HS3ST6: variants seen among roughly 807,000 people sequenced by gnomAD.
HS3ST6 encodes the protein heparan sulfate glucosamine 3-O-sulfotransferase 6.
In HS3ST6, 13 loss-of-function variants were observed where a neutral mutation model predicts 11.0. The observed-to-expected ratio is 1.18, with a 90% CI of 0.77 to 1.88. The LOEUF is 1.88. Ranked by LOEUF, HS3ST6 falls within the 40% of genes most tolerant of loss-of-function variation. HS3ST6 has a pLI of 0.00. For missense variants in HS3ST6, 541 were observed against 494.4 expected, an observed-to-expected ratio of 1.09 and a Z score of -0.89; for synonymous variants, 232 against 230.6, an observed-to-expected ratio of 1.01 and a Z score of -0.06.
chr16:1,913,693 T>G (rs1313797007), intron 1 of HS3ST6, among the ~76,000 whole-genome samples: 1 of 152,128 alleles, frequency 6.6e-6, no homozygotes, highest in Non-Finnish European at 1.5e-5. Flanking sequence ...GACCGGCCCC[T>G]GCCAGGAGGC....
upstream of HS3ST6, among the ~76,000 whole-genome samples, chr16:1,920,269 C>T (rs1220971898): frequency 2.9e-5 from 4 of 138,600 alleles, no homozygotes; most frequent in Admixed American, 7.4e-5. Context: ...CTCAGCAGTC[C>T]CCACGGTCTC....
chr16:1,920,908 G>A (rs1359202411), upstream of HS3ST6, among the ~76,000 whole-genome samples: 6 of 152,224 alleles, frequency 3.9e-5, no homozygotes, highest in African/African-American at 1.4e-4. Context: ...AAGGGTATAC[G>A]TGGGAGGAGA....
upstream of HS3ST6, among the ~76,000 whole-genome samples, chr16:1,918,864 C>T (rs2082945927): frequency 6.6e-6 from 1 of 152,166 alleles, no homozygotes; most frequent in South Asian, 2.1e-4. This position sits in a 1 kb window ranked among gnomAD's most constrained non-coding sequence, Gnocchi z 6.0. Context: ...AGCGTCGATC[C>T]GGGCACTCGG....
Position 1,911,715 on chromosome 16 carries a change from C to T in HS3ST6, c.904G>A (p.Gly302Ser), listed in dbSNP as rs780765135. Residue 302 changes from glycine to serine, a missense_variant, in exon 2 of 2, where the codon GGC becomes AGC. Gly to Ser is a moderately conservative substitution (Grantham distance 56). Coordinates refer to ENST00000454677, the MANE Select transcript of HS3ST6 (RefSeq NM_001009606.4). ...AQGGSRPRCL[G>S]KSKGRPHPRV... is the part of the protein sequence containing the mutation. ...GGGTGTGGCCGGCCCTTGGACTTGC[C>T]CAGGCAGCGGGGACGGCTGCCGCCC... The T allele has an allele frequency of 1.9e-6, 3 of 1,612,496 alleles. No individual in the cohort carries two copies. The highest frequency in any genetic ancestry group is 1.6e-4 in the Middle Eastern group (1 of 6,076).
intron 1 of HS3ST6, among the ~76,000 whole-genome samples, chr16:1,915,662 G>A (rs528804174): frequency 7.9e-4 from 120 of 152,330 alleles, no homozygotes; most frequent in Non-Finnish European, 1.3e-3. Context: ...CGAGACCTTG[G>A]GGAGTCTGCG....
intron 1 of HS3ST6, among the ~76,000 whole-genome samples, chr16:1,916,734 C>T (rs1447591626): frequency 6.6e-6 from 1 of 150,646 alleles, no homozygotes. Flanking sequence ...TTCTCCCCTT[C>T]CCCCTCCCGC....
chr16:1,912,218 T>A lies in HS3ST6; in HGVS notation c.414-13A>T. Reference sequence around the variant, plus strand: ...GGGCATCAGACTCCTGCGGGACGGGTGCAAGGAGAGGGGGCCTGAGCCTCC... The same window carrying A: ...GGGCATCAGACTCCTGCGGGACGGGAGCAAGGAGAGGGGGCCTGAGCCTCC... On this transcript the variant is annotated splice_polypyrimidine_tract_variant and intron_variant, in intron 1 of 1. Transcript: ENST00000454677. The surrounding 1 kb of genome is among the most constrained non-coding windows in gnomAD (Gnocchi z 5.6). 1 of 1,390,458 alleles carries A rather than the reference T, an allele frequency of 7.2e-7. No individual in the cohort carries two copies. The highest frequency in any genetic ancestry group is 9.3e-7 in the Non-Finnish European group (1 of 1,070,942). The allele number at this position is 1,390,458 out of a possible 1,614,324, so 86.1% of individuals were successfully genotyped here. A position where few individuals can be genotyped will look rare whatever the true frequency, so the allele number is the denominator to read the frequency against.
Position 1,918,286 on chromosome 16 carries a change from C to T in HS3ST6, c.38G>A (p.Gly13Asp). Residue 13 changes from glycine (G) to aspartate (D), a missense_variant, in exon 1 of 2, where the codon GGC becomes GAC. Coordinates refer to ENST00000454677, the MANE Select transcript of HS3ST6 (RefSeq NM_001009606.4). This position sits in a 1 kb window ranked among gnomAD's most constrained non-coding sequence, Gnocchi z 6.0. The part of the protein sequence containing the change: ...GSGGLGGGAG[G>D]GQGAGAGQGA... The stretch of plus-strand genomic sequence containing the variant: ...TTGCCCGGCCCCTGCGCCCTGGCCG[C>T]CCCCGGCCCCGCCGCCCAGGCCGCC... 1 of 847,544 alleles carries T rather than the reference C, an allele frequency of 1.2e-6. No individual in the cohort carries two copies. The highest frequency in any genetic ancestry group is 1.4e-6 in the Non-Finnish European group (1 of 702,056). 52.5% of individuals were successfully genotyped at this position (847,544 alleles called of 1,614,324 possible). A position where few individuals can be genotyped will look rare whatever the true frequency, so the allele number is the denominator to read the frequency against.
Position 1,918,194 on chromosome 16 carries a change from G to A in HS3ST6, c.130C>T (p.Leu44Phe). 9.3e-7 allele frequency: 1 copy of A among 1,074,208 alleles called. No individual in the cohort carries two copies. The highest frequency in any genetic ancestry group is 1.1e-6 in the Non-Finnish European group (1 of 890,266). 66.5% of individuals were successfully genotyped at this position (1,074,208 alleles called of 1,614,324 possible). A position where few individuals can be genotyped will look rare whatever the true frequency, so the allele number is the denominator to read the frequency against. The change falls in exon 1 of 2, where the codon CTC (leucine) becomes TTC (phenylalanine). Residue 44 changes from leucine to phenylalanine, a missense_variant. By Grantham distance (22) the Leu-to-Phe change is conservative. Transcript: ENST00000454677. This position sits in a 1 kb window ranked among gnomAD's most constrained non-coding sequence, Gnocchi z 6.0. The stretch of plus-strand genomic sequence containing the variant: ...GGGCAGCGGCCGGGGAGGGCGCAGA[G>A]GCAGTAGGCGCCGAGCACCAGGGCC... ...LVALVLGAYC[L>F]CALPGRCPPA...
upstream of HS3ST6, among the ~76,000 whole-genome samples, chr16:1,920,351 G>GA (rs1567300970): frequency 2.5e-4 from 11 of 44,372 alleles, no homozygotes; most frequent in South Asian, 1.4e-3. Flanking sequence ...CCCACGGTCT[G>GA]AGTCCCCACG....
chr16:1,916,743 G>A (rs879591228), intron 1 of HS3ST6, among the ~76,000 whole-genome samples: 2 of 75,826 alleles, frequency 2.6e-5, no homozygotes, highest in African/African-American at 5.2e-5. Context: ...TCCCCCTCCC[G>A]CCTCTCCCCT....
chr16:1,917,853 G>C (rs963704260), intron 1 of HS3ST6, 58 bp downstream of exon 1: 2 of 1,239,904 alleles, frequency 1.6e-6, no homozygotes, highest in Non-Finnish European at 2.1e-6. Flanking sequence ...GCTCCCTGGG[G>C]CGCACGATAC....
At chr16:1,914,799 CGGAGATCTTTG>C (rs1200301906) in intron 1 of HS3ST6, among the ~76,000 whole-genome samples, 1 of 152,178 alleles carries the variant, frequency 6.6e-6, no homozygotes, top group African/African-American at 2.4e-5. Flanking sequence ...GCTCAGAGAT[CGGAGATCTTTG>C]GGATCAATTA....
At chr16:1,915,426 T>C (rs972258606) in intron 1 of HS3ST6, among the ~76,000 whole-genome samples, 2 of 152,074 alleles carry the variant, frequency 1.3e-5, no homozygotes, top group African/African-American at 4.8e-5. Context: ...CAGGCACCCA[T>C]CACCACGCCT....
At position 1,911,952 on chromosome 16, in the gene HS3ST6, C is replaced by T. The variant is rs373858942; in HGVS notation, c.667G>A (p.Val223Ile). Residue 223 changes from valine (V) to isoleucine (I), a missense_variant, in exon 2 of 2, where the codon GTC (valine) becomes ATC (isoleucine). By Grantham distance (29) the Val-to-Ile change is conservative (BLOSUM62 3). Transcript: ENST00000454677. ...TGCTGGGCGTACAGGCCGATGCGGA[C>T]GGCGCTCCAGGCTGTGTCCACGGGG... ...LGPVDTAWSA[V>I]RIGLYAQHLD... 3.5e-5 allele frequency: 56 copies of T among 1,578,604 alleles called. No individual in the cohort carries two copies. In the Admixed American group the frequency reaches 4.6e-4, roughly 13 times the overall value.
chr16:1,916,206 C>T (rs2150845717), intron 1 of HS3ST6, among the ~76,000 whole-genome samples: 1 of 152,370 alleles, frequency 6.6e-6, no homozygotes, highest in African/African-American at 2.4e-5. Flanking sequence ...GGAAGCTCAG[C>T]AGGCCCAGCT....
At chr16:1,917,691 C>T (rs569573463) in intron 1 of HS3ST6, among the ~76,000 whole-genome samples, 1 of 152,314 alleles carries the variant, frequency 6.6e-6, no homozygotes, top group African/African-American at 2.4e-5. Context: ...GCTTTCCCCA[C>T]AGTTTTCAAA....
At chr16:1,915,525 C>T (rs893928394) in intron 1 of HS3ST6, among the ~76,000 whole-genome samples, 1 of 152,238 alleles carries the variant, frequency 6.6e-6, no homozygotes, top group African/African-American at 2.4e-5. Context: ...ATCTGCCCAC[C>T]TCAGCCTCCC....
In HS3ST6 at chr16:1,915,902, G is replaced by A. The variant is rs78371105; in HGVS notation, c.413+2009C>T. ...CCGGGTCACCGCCTGGAACTAGGTC[G>A]GTCACAGCCCAGTGGGAGCCGTGGC... On this transcript the variant is annotated intron_variant, in intron 1 of 1. Transcript: ENST00000454677. 6.8e-3 allele frequency among the ~76,000 whole-genome samples: 898 copies of A among 132,436 alleles called. 8 individuals carry two copies. The highest frequency in any genetic ancestry group is 0.023 in the African/African-American group (863 of 37,186). The allele number at this position is 132,436 out of a possible 152,430, so 86.9% of individuals were successfully genotyped here. A position where few individuals can be genotyped will look rare whatever the true frequency, so the allele number is the denominator to read the frequency against.
Sources: allele counts gnomAD v4.1 joint callset (sites outside exome capture counted in the v4.1 genomes callset), GRCh38; gene constraint gnomAD v4.1.1; non-coding constraint Gnocchi (gnomAD v3.1); transcripts MANE v1.5; gene names NCBI Gene and HGNC (gene_info 2026-07-23, HGNC 2026-07-21).